PCNT: variants seen among roughly 807,000 people sequenced by gnomAD.
PCNT encodes kendrin.
PCNT carries 319 observed loss-of-function variants against 380.4 expected under a neutral mutation model. That is an observed-to-expected ratio of 0.84 (90% CI 0.77 to 0.92). PCNT has a LOEUF of 0.92. Among genes scored for constraint, PCNT ranks in the 40% least tolerant of loss-of-function variants. The pLI is 0.00. For synonymous variants in PCNT, 1,845 were observed against 1,735.2 expected, an observed-to-expected ratio of 1.06 and a Z score of -1.57; for missense variants, 4,400 against 4,255.3, an observed-to-expected ratio of 1.03 and a Z score of -0.95.
intron 1 of PCNT, chr21:46,325,119 A>G (rs763115481): frequency 1.2e-4 from 122 of 985,376 alleles, no homozygotes; most frequent in Non-Finnish European, 1.4e-4. Context: ...TTTCGTGGGA[A>G]TAAAGCGCGC....
At chr21:46,390,238 G>A (rs567773815) in intron 19 of PCNT, among the ~76,000 whole-genome samples, 1 of 152,378 alleles carries the variant, frequency 6.6e-6, no homozygotes, top group African/African-American at 2.4e-5. Flanking sequence ...GCTTGATCCT[G>A]GGAGGCTGAG....
intron 9 of PCNT, 111 bp downstream of exon 9, chr21:46,351,651 AT>A: frequency 1.3e-6 from 1 of 765,468 alleles, no homozygotes; most frequent in Non-Finnish European, 2.4e-6. Context: ...AAAAAAGTGG[AT>A]TTACCTGTTT....
intron 3 of PCNT, among the ~76,000 whole-genome samples, chr21:46,344,845 T>C (rs2084015834): frequency 6.6e-6 from 1 of 152,224 alleles, no homozygotes; most frequent in African/African-American, 2.4e-5. Flanking sequence ...GTGGGAATGT[T>C]GAGACAGGGA....
At chr21:46,420,277 A>G (rs917816111) in intron 31 of PCNT, among the ~76,000 whole-genome samples, 4 of 152,136 alleles carry the variant, frequency 2.6e-5, no homozygotes, top group Non-Finnish European at 5.9e-5. Context: ...ATTCAACTAT[A>G]TCAGGCCTCC....
chr21:46,329,147 C>G (rs2083478735), intron 2 of PCNT, among the ~76,000 whole-genome samples: 1 of 152,222 alleles, frequency 6.6e-6, no homozygotes, highest in Non-Finnish European at 1.5e-5. Context: ...AAAACCATTC[C>G]AAACTTAGCA....
At position 46,412,854 on chromosome 21, in the gene PCNT, C is replaced by G. The variant is rs2086835070; in HGVS notation, c.6012C>G (p.Val2004=). The change falls in exon 29 of 47, where the codon GTC becomes GTG. Residue 2004 remains valine, a synonymous_variant. Transcript: ENST00000359568. ...VPDPQGDLQP[V]LVTLKDAPLC... Reference sequence around the variant, plus strand: ...CTGTCAAGGGTGATCTGCAGCCTGTCCTGGTGACGTTGAAGGATGCACCTC... The same window carrying G: ...CTGTCAAGGGTGATCTGCAGCCTGTGCTGGTGACGTTGAAGGATGCACCTC... 6.2e-7 allele frequency: 1 copy of G among 1,612,314 alleles called. No homozygotes were observed. The highest frequency in any genetic ancestry group is 1.1e-5 in the South Asian group (1 of 91,088).
At chr21:46,332,689 T>A (rs1432715387) in intron 2 of PCNT, among the ~76,000 whole-genome samples, 1 of 152,268 alleles carries the variant, frequency 6.6e-6, no homozygotes, top group Admixed American at 6.5e-5. Flanking sequence ...GCCATCATCA[T>A]TGGCCATGGG....
chr21:46,414,705 ACTC>A (rs1171853960), intron 29 of PCNT, among the ~76,000 whole-genome samples: 4 of 75,126 alleles, frequency 5.3e-5, no homozygotes, highest in Admixed American at 4.1e-4. Context: ...AGCTGCCCAC[ACTC>A]CTCCTCCTGG....
intron 32 of PCNT, 137 bp downstream of exon 32, chr21:46,422,261 A>G: frequency 1.8e-6 from 2 of 1,135,266 alleles, no homozygotes; most frequent in South Asian, 2.6e-5. Context: ...CTGCATTTTA[A>G]TGACTCACGG....
chr21:46,347,440 T>C lies in PCNT; in HGVS notation c.977-17T>C. 3 of 1,614,026 alleles carry C rather than the reference T, an allele frequency of 1.9e-6. No individual in the cohort carries two copies. The highest frequency in any genetic ancestry group is 1.7e-6 in the Non-Finnish European group (2 of 1,179,946). On this transcript the variant is annotated splice_polypyrimidine_tract_variant and intron_variant, in intron 5 of 46. Coordinates refer to ENST00000359568, the MANE Select transcript of PCNT (RefSeq NM_006031.6). The stretch of plus-strand genomic sequence containing the variant: ...TTGAGATGGAGTGGCCTGAGCTGCT[T>C]TTTGTTTTTCTTGCAGCTGAGCTGA...
At chr21:46,431,453 A>C in intron 37 of PCNT, 76 bp from the exon 38 acceptor site, 2 of 1,611,896 alleles carry the variant, frequency 1.2e-6, no homozygotes, top group Admixed American at 3.3e-5. Context: ...GTATATAAAC[A>C]AATGTGGACA....
At chr21:46,409,912 G>A (rs2086731542) in intron 27 of PCNT, among the ~76,000 whole-genome samples, 2 of 152,180 alleles carry the variant, frequency 1.3e-5, no homozygotes, top group African/African-American at 2.4e-5. Flanking sequence ...CTGATTTCAG[G>A]TTTTGGTGTT....
At chr21:46,383,991 T>C (rs1470281953) in intron 16 of PCNT, among the ~76,000 whole-genome samples, 1 of 138,204 alleles carries the variant, frequency 7.2e-6, no homozygotes, top group Non-Finnish European at 1.5e-5. Flanking sequence ...CCATGTTGTA[T>C]ATTCAGTGGC....
intron 2 of PCNT, among the ~76,000 whole-genome samples, chr21:46,333,616 A>T (rs2083627157): frequency 6.7e-6 from 1 of 149,688 alleles, no homozygotes; most frequent in Non-Finnish European, 1.5e-5. Context: ...AAAAAAAATT[A>T]CAGGCTGGGC....
chr21:46,411,392 C>G lies in PCNT; in HGVS notation c.5319C>G (p.Ser1773Arg), dbSNP rs187682060. The G allele has an allele frequency of 1.2e-6, 2 of 1,613,818 alleles. No individual in the cohort carries two copies. The highest frequency in any genetic ancestry group is 1.7e-5 in the Admixed American group (1 of 60,030). ...ACAGTCAGGCTGGCAGTCTGCAGAG[C>G]GAGCTGCTCTGCTCCCAGGCCGGGG... is the stretch of plus-strand genomic sequence containing the variant. ...VSDSQAGSLQ[S>R]ELLCSQAGGP... The change falls in exon 28 of 47, where the codon AGC (serine) becomes AGG (arginine). Residue 1773 changes from serine to arginine, a missense_variant. Physicochemically the swap from Ser to Arg is moderately radical, Grantham distance 110. Coordinates refer to ENST00000359568, the MANE Select transcript of PCNT (RefSeq NM_006031.6).
Position 46,363,525 on chromosome 21 carries a change from G to A in PCNT, c.2200G>A (p.Ala734Thr). 5 of 1,614,068 alleles carry A rather than the reference G, an allele frequency of 3.1e-6. No individual in the cohort carries two copies. The South Asian group carries it at 4.4e-5, about 14-fold the overall frequency. Residue 734 changes from alanine to threonine, a missense_variant, in exon 14 of 47, where the codon GCT (alanine) becomes ACT (threonine). Physicochemically the swap from Ala to Thr is moderately conservative, Grantham distance 58 (BLOSUM62 0). Transcript: ENST00000359568. ...IEDHQKELNN[A>T]KQKTELMKQE... Reference sequence around the variant, plus strand: ...AGACCACCAGAAGGAACTAAATAATGCTAAGCAAAAGACTGAGCTGATGAA... The same window carrying A: ...AGACCACCAGAAGGAACTAAATAATACTAAGCAAAAGACTGAGCTGATGAA...
chr21:46,378,206 C>T (rs1401483666), intron 15 of PCNT, among the ~76,000 whole-genome samples: 5 of 152,120 alleles, frequency 3.3e-5, no homozygotes, highest in South Asian at 2.1e-4. Flanking sequence ...TGCCTGAAAT[C>T]GTGAATGGTT....
At chr21:46,397,560 T>C in intron 22 of PCNT, 66 bp downstream of exon 22, 1 of 1,327,830 alleles carries the variant, frequency 7.5e-7, no homozygotes, top group South Asian at 1.2e-5. Context: ...TGAACTTCTT[T>C]CCAGATCGTT....
intron 3 of PCNT, among the ~76,000 whole-genome samples, chr21:46,336,346 CT>C (rs1402158524): frequency 6.6e-6 from 1 of 152,128 alleles, no homozygotes; most frequent in Non-Finnish European, 1.5e-5. Flanking sequence ...AGCACAGTCT[CT>C]GGTGGGTTCT....
Sources: gnomAD v4.1 joint callset for allele counts (sites outside exome capture counted in the v4.1 genomes callset) on GRCh38, gnomAD v4.1.1 for gene constraint, MANE v1.5 for transcripts, NCBI Gene and HGNC (gene_info 2026-07-23, HGNC 2026-07-21) for gene names.